The following ABCB10 variants were observed in gnomAD, a reference collection of about 807,000 sequenced individuals.
The protein encoded by ABCB10 is ATP binding cassette subfamily B member 10, also known as ATP-binding cassette sub-family B member 10, mitochondrial.
Under a neutral mutation model 65.4 loss-of-function variants are expected in ABCB10, and 54 were observed. That is an observed-to-expected ratio of 0.83 (90% CI 0.66 to 1.04). ABCB10 has a LOEUF of 1.04. Among genes scored for constraint, ABCB10 ranks in the 50% least tolerant of loss-of-function variants. The probability of loss-of-function intolerance (pLI) is 0.00; values close to 1 mark genes in which losing one functional copy is unlikely to be tolerated. For synonymous variants in ABCB10, 418 were observed against 406.5 expected, an observed-to-expected ratio of 1.03 and a Z score of -0.34; for missense variants, 846 against 976.6, an observed-to-expected ratio of 0.87 and a Z score of 1.78.
At chr1:229,531,933 C>A in intron 6 of ABCB10, 1 of 411,308 alleles carries the variant, frequency 2.4e-6, no homozygotes, top group Non-Finnish European at 4.3e-6. Flanking sequence ...GGCTTCTCCT[C>A]CTCCAGTTTC....
intron 10 of ABCB10, 123 bp from the exon 11 acceptor site, chr1:229,521,758 T>A (rs1367262080): frequency 2.3e-6 from 2 of 883,168 alleles, no homozygotes; most frequent in Non-Finnish European, 3.5e-6. Context: ...CTGACACAGA[T>A]AGACCAGAAA....
At chr1:229,540,548 A>G in intron 5 of ABCB10, 58 bp downstream of exon 5, 2 of 1,527,492 alleles carry the variant, frequency 1.3e-6, no homozygotes, top group Non-Finnish European at 1.8e-6. Flanking sequence ...ACCACAGAAT[A>G]AAACTCTCAC....
intron 6 of ABCB10, among the ~76,000 whole-genome samples, chr1:229,532,066 C>T (rs926082582): frequency 9.9e-5 from 15 of 151,432 alleles, no homozygotes; most frequent in Admixed American, 2.6e-4. Flanking sequence ...GATTCTCCTG[C>T]CTTAGCCTCC....
At chr1:229,533,767 C>CT (rs1321984458) in intron 6 of ABCB10, among the ~76,000 whole-genome samples, 2 of 152,122 alleles carry the variant, frequency 1.3e-5, no homozygotes, top group Non-Finnish European at 2.9e-5. Flanking sequence ...GACCTTACAC[C>CT]TTTCCCAAAA....
intron 11 of ABCB10, among the ~76,000 whole-genome samples, chr1:229,520,877 C>T (rs59421578): frequency 0.018 from 2,731 of 152,266 alleles, 93 homozygotes; most frequent in African/African-American, 0.062. Flanking sequence ...AAAGTAGATT[C>T]GTGGCATCCT....
chr1:229,532,996 A>G (rs1662620127), intron 6 of ABCB10, among the ~76,000 whole-genome samples: 1 of 152,116 alleles, frequency 6.6e-6, no homozygotes, highest in South Asian at 2.1e-4. Context: ...TTGTGGAGAC[A>G]GGGTCTCACT....
At chr1:229,535,551 G>A (rs73099813) in intron 6 of ABCB10, among the ~76,000 whole-genome samples, 14,215 of 152,176 alleles carry the variant, frequency 0.093, 2,079 homozygotes, top group African/African-American at 0.31. Flanking sequence ...GGTTGCAGAA[G>A]GGTGATGAAT....
rs1470241190 is a variant in ABCB10, at chr1:229,542,403, T to C, written c.922-32A>G. On this transcript the variant is annotated intron_variant, in intron 3 of 12. Coordinates refer to ENST00000344517, the MANE Select transcript of ABCB10 (RefSeq NM_012089.3). ...AAAACAAAAAAAAATTCAGAGGTGTTTGTTACATTGGGTGGCAAGACATTC... is the reference window on the plus strand; with the variant it reads ...AAAACAAAAAAAAATTCAGAGGTGTCTGTTACATTGGGTGGCAAGACATTC... The C allele has an allele frequency of 1.9e-6, 3 of 1,602,938 alleles. No homozygotes were observed. In the Admixed American group the frequency reaches 5.1e-5, roughly 27 times the overall value.
intron 10 of ABCB10, among the ~76,000 whole-genome samples, chr1:229,522,048 G>A (rs560409675): frequency 2.6e-5 from 4 of 151,590 alleles, no homozygotes; most frequent in South Asian, 2.1e-4. Flanking sequence ...TGGTAAAGAT[G>A]GGGTTTTGCC....
intron 5 of ABCB10, 53 bp downstream of exon 5, chr1:229,540,553 T>G (rs1417237794): frequency 2.6e-6 from 4 of 1,539,960 alleles, no homozygotes; most frequent in African/African-American, 1.4e-5. Context: ...AGAATAAAAC[T>G]CTCACCATTC....
Position 229,542,475 on chromosome 1 carries a change from G to T in ABCB10, c.922-104C>A. ...TGTGTGTGTGGGTGTGTCTGTGTGT[G>T]TGTGTGTTTAAATTAACAGCAGGCT... On this transcript the variant is annotated intron_variant, in intron 3 of 12. Coordinates refer to ENST00000344517, the MANE Select transcript of ABCB10 (RefSeq NM_012089.3). 5 of 1,355,012 alleles carry T rather than the reference G, an allele frequency of 3.7e-6. No individual in the cohort carries two copies. The Admixed American group carries it at 1.3e-4, about 35-fold the overall frequency. The allele number at this position is 1,355,012 out of a possible 1,614,324, so 83.9% of individuals were successfully genotyped here.
rs184002004 is a variant in ABCB10 at position 229,519,895 on chromosome 1, G to C, written c.1951-1020C>G. ...AATCCCAACACTCTGGCAGGCTGAG[G>C]GGGGAGGACTGCTTGAGCCCAGGAG... On this transcript the variant is annotated intron_variant, in intron 11 of 12. Transcript: ENST00000344517. 4.7e-4 allele frequency among the ~76,000 whole-genome samples: 72 copies of C among 152,298 alleles called. 1 individual carries two copies. The highest frequency in any genetic ancestry group is 1.9e-3 in the Admixed American group (29 of 15,294).
rs1360688976 is a variant in ABCB10 at position 229,517,106 on chromosome 1, C to T, written c.*1073G>A. 1.3e-5 allele frequency: 2 copies of T among 151,970 alleles called. No homozygotes were observed. Among genetic ancestry groups the T allele is most frequent in the East Asian group, 1.9e-4 (1 of 5,196 alleles). The allele number at this position is 151,970 out of a possible 1,614,324, so 9.4% of individuals were successfully genotyped here. On this transcript the variant is annotated 3_prime_UTR_variant, in exon 13 of 13. Transcript: ENST00000344517. ...GGCAAATTCAATGGTTGTAGCATTG[C>T]TTTAGGAATTTTGAGACTATAAATA...
intron 3 of ABCB10, among the ~76,000 whole-genome samples, chr1:229,546,180 A>AG (rs1208077783): frequency 6.6e-6 from 1 of 152,098 alleles, no homozygotes; most frequent in Non-Finnish European, 1.5e-5. Context: ...TCAAAAAAAA[A>AG]AAAAAAAAGC....
At chr1:229,530,691 A>T (rs1558121798) in intron 7 of ABCB10, among the ~76,000 whole-genome samples, 1 of 152,240 alleles carries the variant, frequency 6.6e-6, no homozygotes, top group Non-Finnish European at 1.5e-5. Context: ...TGATGAGGAC[A>T]TTGAAGACCA....
At chr1:229,538,811 T>G (rs908935738) in intron 6 of ABCB10, among the ~76,000 whole-genome samples, 2 of 152,138 alleles carry the variant, frequency 1.3e-5, no homozygotes, top group African/African-American at 4.8e-5. Context: ...TTAAGCTACT[T>G]ACCTGACCTT....
At chr1:229,557,283 C>G (rs1663272741) in intron 1 of ABCB10, among the ~76,000 whole-genome samples, 1 of 152,158 alleles carries the variant, frequency 6.6e-6, no homozygotes, top group African/African-American at 2.4e-5. Context: ...TACCTCTATA[C>G]ATACGAATAT....
Position 229,530,204 on chromosome 1 carries a change from G to C in ABCB10, c.1640C>G (p.Ala547Gly). Residue 547 changes from alanine to glycine, a missense_variant, in exon 8 of 13, where the codon GCT (alanine) becomes GGT (glycine). Ala to Gly is a moderately conservative substitution (Grantham distance 60). This residue lies in a region of ABCB10 where 632 missense variants were observed against 803.2 expected (regional missense o/e 0.79). Transcript: ENST00000344517. Reference protein sequence around the residue: ...LSLLLRLYDPASGTISLDGHD... With the variant: ...LSLLLRLYDPGSGTISLDGHD... ...CAGTGTGGTGAACTGCTTACCAGAA[G>C]CAGGGTCGTACAACCTCAGCAGGAG... is the stretch of plus-strand genomic sequence containing the variant. The C allele has an allele frequency of 1.2e-6, 2 of 1,613,774 alleles. No homozygotes were observed. Among genetic ancestry groups the C allele is most frequent in the Non-Finnish European group, 1.7e-6 (2 of 1,179,902 alleles).
rs1313446841 is a variant in ABCB10 at position 229,517,168 on chromosome 1, T to C, written c.*1011A>G. ...ATAAATAAAAGGGCTTATTAATATCTTCTTTTCAGGAGAGTGATACATTCT... is the reference window on the plus strand; with the variant it reads ...ATAAATAAAAGGGCTTATTAATATCCTCTTTTCAGGAGAGTGATACATTCT... On this transcript the variant is annotated 3_prime_UTR_variant, in exon 13 of 13. Transcript: ENST00000344517. The C allele has an allele frequency of 6.6e-6, 1 of 152,248 alleles. No individual in the cohort carries two copies. Among genetic ancestry groups the C allele is most frequent in the Admixed American group, 6.5e-5 (1 of 15,286 alleles). The allele number at this position is 152,248 out of a possible 1,614,324, so 9.4% of individuals were successfully genotyped here. A position where few individuals can be genotyped will look rare whatever the true frequency, so the allele number is the denominator to read the frequency against.
Sources: gnomAD v4.1 joint callset for allele counts (sites outside exome capture counted in the v4.1 genomes callset) on GRCh38, gnomAD v4.1.1 for gene constraint, gnomAD v4.1.1 regional missense constraint, MANE v1.5 for transcripts, NCBI Gene and HGNC (gene_info 2026-07-23, HGNC 2026-07-21) for gene names.